ZNF469: variants seen among roughly 807,000 people sequenced by gnomAD.
ZNF469 encodes the protein zinc finger protein 469.
ZNF469 carries 1 observed loss-of-function variant against 1.0 expected under a neutral mutation model. The ratio of observed to expected loss-of-function variants is 1.00; its 90% CI spans 0.35 to 4.73. The LOEUF (loss-of-function observed/expected upper bound fraction) is 4.73. ZNF469 is among the 30% of genes most tolerant of loss of function. ZNF469 has a pLI of 0.16. For synonymous variants in ZNF469, 2,703 were observed against 2,363.4 expected, an observed-to-expected ratio of 1.14 and a Z score of -4.17; for missense variants, 6,100 against 5,356.3, an observed-to-expected ratio of 1.14 and a Z score of -4.33.
At chr16:88,299,560 G>A in the ZNF469 span, among the ~76,000 whole-genome samples, 1 of 152,182 alleles carries the variant, frequency 6.6e-6, no homozygotes, top group Non-Finnish European at 1.5e-5. Flanking sequence ...TGTGGCTTCT[G>A]GGAGTCATAG....
At chr16:88,237,834 C>A in the ZNF469 span, among the ~76,000 whole-genome samples, 3 of 152,032 alleles carry the variant, frequency 2.0e-5, no homozygotes, top group Admixed American at 6.6e-5. Context: ...TCCTGCCAGT[C>A]ACCCTCTGCC....
Position 88,427,554 on chromosome 16 carries a change from G to A in ZNF469, c.84G>A (p.Gly28=). ...CCCGCCAAGTTGCCAGCAGCCCGGGGCACCCCTCCCAGCCGCCACTGGAGG... is the reference window on the plus strand; with the variant it reads ...CCCGCCAAGTTGCCAGCAGCCCGGGACACCCCTCCCAGCCGCCACTGGAGG... ...LQPRQVASSP[G]HPSQPPLEDN... Residue 28 remains glycine (G), a synonymous_variant, in exon 3 of 3, where the codon GGG becomes GGA. Transcript: ENST00000565624. 1.3e-6 allele frequency: 2 copies of A among 1,536,922 alleles called. No homozygotes were observed. Among genetic ancestry groups the A allele is most frequent in the Non-Finnish European group, 8.7e-7 (1 of 1,146,342 alleles).
At position 88,431,277 on chromosome 16, in the gene ZNF469, G is replaced by A. The variant is rs1271108512; in HGVS notation, c.3807G>A (p.Pro1269=). 6.5e-7 allele frequency: 1 copy of A among 1,550,280 alleles called. No homozygotes were observed. Among genetic ancestry groups the A allele is most frequent in the African/African-American group, 1.4e-5 (1 of 73,186 alleles). The stretch of plus-strand genomic sequence containing the variant: ...GTCTCCTGATACCAGAGCAGCCGCC[G>A]CCCAGCAGACATGACACCGGCACCC... The part of the protein sequence containing the change: ...SPGLLIPEQP[P]PSRHDTGTPK... Residue 1269 remains proline, a synonymous_variant, in exon 3 of 3, where the codon CCG becomes CCA. Transcript: ENST00000565624.
chr16:88,298,466 C>T, the ZNF469 span, among the ~76,000 whole-genome samples: 1 of 152,222 alleles, frequency 6.6e-6, no homozygotes, highest in African/African-American at 2.4e-5. Context: ...GGAGCAGCCA[C>T]CAGTCCAGAC....
chr16:88,162,370 A>G, the ZNF469 span, among the ~76,000 whole-genome samples: 1 of 151,822 alleles, frequency 6.6e-6, no homozygotes, highest in Non-Finnish European at 1.5e-5. Flanking sequence ...CTTCAAAAAA[A>G]AAAAAAAAAA....
chr16:88,429,162 G>T lies in ZNF469; in HGVS notation c.1692G>T (p.Gly564=). ...TDPGAQPLFF[G]VAQPQVSPHG... ...CTGGGGCTCAGCCCCTGTTCTTCGG[G>T]GTGGCCCAGCCCCAGGTTTCACCCC... Residue 564 remains glycine (G), a synonymous_variant, in exon 3 of 3, where the codon GGG becomes GGT. Coordinates refer to ENST00000565624, the MANE Select transcript of ZNF469 (RefSeq NM_001367624.2). 2 of 1,549,858 alleles carry T rather than the reference G, an allele frequency of 1.3e-6. No individual in the cohort carries two copies. The highest frequency in any genetic ancestry group is 1.7e-6 in the Non-Finnish European group (2 of 1,146,828).
chr16:88,285,555 A>G, the ZNF469 span, among the ~76,000 whole-genome samples: 7 of 152,260 alleles, frequency 4.6e-5, no homozygotes, highest in Non-Finnish European at 8.8e-5. Flanking sequence ...AGCAGCTGAC[A>G]CGGCACCCAG....
At chr16:88,414,588 G>T (rs1367527933) in intron 1 of ZNF469, among the ~76,000 whole-genome samples, 4 of 152,238 alleles carry the variant, frequency 2.6e-5, no homozygotes, top group African/African-American at 7.2e-5. Flanking sequence ...CGGGCCCCAC[G>T]GCAGGAGGGT....
chr16:88,396,446 ATGAAGGGAGGCCGGGCGGAGACCCTCC>A (rs1904662854), intron 1 of ZNF469, among the ~76,000 whole-genome samples: 2 of 114,138 alleles, frequency 1.8e-5, no homozygotes, highest in South Asian at 3.0e-4. Flanking sequence ...GGAGACCCTT[ATGAAGGGAGGCCGGGCGGAGACCCTCC>A]TGAAGGGAGG....
At chr16:88,225,463 T>C in the ZNF469 span, among the ~76,000 whole-genome samples, 3 of 152,212 alleles carry the variant, frequency 2.0e-5, no homozygotes, top group African/African-American at 4.8e-5. Flanking sequence ...TGGGCAGGGA[T>C]TGGGGAGACC....
At chr16:88,337,799 C>T in the ZNF469 span, among the ~76,000 whole-genome samples, 1 of 152,194 alleles carries the variant, frequency 6.6e-6, no homozygotes, top group East Asian at 1.9e-4. Flanking sequence ...TGGAGAAGCC[C>T]ACTCAGATAC....
the ZNF469 span, among the ~76,000 whole-genome samples, chr16:88,281,627 A>T: frequency 6.7e-6 from 1 of 149,622 alleles, no homozygotes; most frequent in Non-Finnish European, 1.5e-5. Context: ...TGCCACACCG[A>T]TGCTTGGTCA....
At chr16:88,274,478 A>G in the ZNF469 span, among the ~76,000 whole-genome samples, 4 of 152,248 alleles carry the variant, frequency 2.6e-5, no homozygotes, top group Non-Finnish European at 4.4e-5. Flanking sequence ...ATGAAGTCAC[A>G]TGCTTCTGGT....
At chr16:88,383,773 C>T (rs890972294) in intron 1 of ZNF469, among the ~76,000 whole-genome samples, 1 of 151,894 alleles carries the variant, frequency 6.6e-6, no homozygotes, top group Non-Finnish European at 1.5e-5. Context: ...TGCGAGTCGG[C>T]GGTGTCAGCG....
chr16:88,290,327 C>T, the ZNF469 span, among the ~76,000 whole-genome samples: 1 of 152,182 alleles, frequency 6.6e-6, no homozygotes, highest in Non-Finnish European at 1.5e-5. Context: ...TAAGCTGCCT[C>T]CATAAAGGGA....
chr16:88,151,552 C>T, the ZNF469 span, among the ~76,000 whole-genome samples: 8 of 152,330 alleles, frequency 5.3e-5, no homozygotes, highest in South Asian at 6.2e-4. This position sits in a 1 kb window ranked among gnomAD's most constrained non-coding sequence, Gnocchi z 5.4. Flanking sequence ...GCCAGGGTGG[C>T]GTCTGCTGCA....
chr16:88,135,777 T>G, the ZNF469 span, among the ~76,000 whole-genome samples: 5 of 126,840 alleles, frequency 3.9e-5, no homozygotes, highest in African/African-American at 1.7e-4. Context: ...TTTTTTTTTT[T>G]TGGGATGGAG....
chr16:88,416,868 C>A (rs1905315859), intron 1 of ZNF469, among the ~76,000 whole-genome samples: 1 of 152,208 alleles, frequency 6.6e-6, no homozygotes, highest in African/African-American at 2.4e-5. Context: ...CAGGGCTCCT[C>A]TTGGGGGACC....
chr16:88,141,695 C>T, the ZNF469 span, among the ~76,000 whole-genome samples: 6 of 152,192 alleles, frequency 3.9e-5, no homozygotes, highest in South Asian at 2.1e-4. Flanking sequence ...AAGGTCATCA[C>T]GGGCATCCTT....
Sources: gnomAD v4.1 joint callset for allele counts (sites outside exome capture counted in the v4.1 genomes callset) on GRCh38, gnomAD v4.1.1 for gene constraint, Gnocchi (gnomAD v3.1) non-coding constraint, MANE v1.5 for transcripts, NCBI Gene and HGNC (gene_info 2026-07-23, HGNC 2026-07-21) for gene names.